HSD17B14: variants seen among roughly 807,000 people sequenced by gnomAD.
HSD17B14 encodes hydroxysteroid 17-beta dehydrogenase 14, also known as L-fucose dehydrogenase.
HSD17B14 carries 32 observed loss-of-function variants against 32.2 expected under a neutral mutation model. That is an observed-to-expected ratio of 0.99 (90% CI 0.75 to 1.33). The LOEUF (loss-of-function observed/expected upper bound fraction) is 1.33. HSD17B14 is among the 40% of genes most tolerant of loss of function. The probability of loss-of-function intolerance (pLI) is 0.00; values close to 1 mark genes in which losing one functional copy is unlikely to be tolerated. For synonymous variants in HSD17B14, 140 were observed against 155.4 expected (o/e 0.90, Z 0.74); for missense variants, 370 against 366.5 (o/e 1.01, Z -0.08).
At chr19:48,815,219 T>C in intron 5 of HSD17B14, 78 bp from the exon 6 acceptor site, 1 of 1,098,422 alleles carries the variant, frequency 9.1e-7, no homozygotes, top group Admixed American at 1.8e-5. Context: ...ACAGCCATCC[T>C]GATGTCTGGG....
At chr19:48,824,454 G>T (rs1343869703) in intron 5 of HSD17B14, among the ~76,000 whole-genome samples, 1 of 150,732 alleles carries the variant, frequency 6.6e-6, no homozygotes, top group Non-Finnish European at 1.5e-5. Context: ...AAAAGGGAGG[G>T]AGGGAGGAAG....
Position 48,813,735 on chromosome 19 carries a change from A to G in HSD17B14, c.475-5T>C, listed in dbSNP as rs1157740579. The stretch of plus-strand genomic sequence containing the variant: ...GGTCATGGCTGTTACTGCCCCCTGC[A>G]GGAAATGGAGCGGGGAAGAAAGTTC... On this transcript the variant is annotated splice_region_variant and splice_polypyrimidine_tract_variant and intron_variant, in intron 6 of 8. Coordinates refer to ENST00000263278, the MANE Select transcript of HSD17B14 (RefSeq NM_016246.3). 6.2e-7 allele frequency: 1 copy of G among 1,614,078 alleles called. No individual in the cohort carries two copies. The highest frequency in any genetic ancestry group is 8.5e-7 in the Non-Finnish European group (1 of 1,180,028).
At chr19:48,831,327 T>C (rs1010776112) in intron 5 of HSD17B14, among the ~76,000 whole-genome samples, 2 of 152,220 alleles carry the variant, frequency 1.3e-5, no homozygotes, top group Non-Finnish European at 2.9e-5. Flanking sequence ...GACTCAAGTC[T>C]GTAATCCCAG....
intron 5 of HSD17B14, among the ~76,000 whole-genome samples, chr19:48,827,606 C>T (rs1203344574): frequency 6.6e-6 from 1 of 151,790 alleles, no homozygotes; most frequent in African/African-American, 2.4e-5. Flanking sequence ...GGTGCAATCT[C>T]AGCTCACTGC....
chr19:48,824,965 G>A (rs1203000246), intron 5 of HSD17B14, among the ~76,000 whole-genome samples: 4 of 151,872 alleles, frequency 2.6e-5, no homozygotes, highest in African/African-American at 9.7e-5. Context: ...GATCTGGGCT[G>A]GGTGCGGTGG....
rs1256874002 is a variant in HSD17B14, at chr19:48,834,271, C to CT, written c.210+4dup. The CT allele has an allele frequency of 1.2e-6, 2 of 1,612,760 alleles. No individual in the cohort carries two copies. The highest frequency in any genetic ancestry group is 8.5e-7 in the Non-Finnish European group (1 of 1,178,966). On this transcript the variant is annotated splice_donor_region_variant and intron_variant, in intron 3 of 8. Coordinates refer to ENST00000263278, the MANE Select transcript of HSD17B14 (RefSeq NM_016246.3). ...GATGGGGGTAGGAACAGGAACTCGGCTTACCTTCACATCATCTTCCTGAGT... is the reference window on the plus strand; with the variant it reads ...GATGGGGGTAGGAACAGGAACTCGGCTTTACCTTCACATCATCTTCCTGAGT...
At chr19:48,820,678 T>C (rs61476702) in intron 5 of HSD17B14, among the ~76,000 whole-genome samples, 60,902 of 149,656 alleles carry the variant, frequency 0.41, 12,609 homozygotes, top group Non-Finnish European at 0.43. Context: ...ATTACCACCA[T>C]GCCCGGCTAA....
chr19:48,825,969 C>T (rs570338556), intron 5 of HSD17B14, among the ~76,000 whole-genome samples: 18 of 152,108 alleles, frequency 1.2e-4, no homozygotes, highest in African/African-American at 1.7e-4. Flanking sequence ...TACAGGCACC[C>T]GCCACCGCGC....
intron 5 of HSD17B14, among the ~76,000 whole-genome samples, chr19:48,819,036 T>A (rs1208991007): frequency 1.3e-5 from 2 of 152,200 alleles, no homozygotes; most frequent in African/African-American, 4.8e-5. Flanking sequence ...TCACCCAGGC[T>A]TGAGTGCAGT....
At chr19:48,827,266 C>A (rs899564638) in intron 5 of HSD17B14, among the ~76,000 whole-genome samples, 4 of 151,948 alleles carry the variant, frequency 2.6e-5, no homozygotes, top group African/African-American at 9.7e-5. Flanking sequence ...TGGTCTCGAA[C>A]TCCTGACCTC....
At chr19:48,824,545 C>A (rs533506625) in intron 5 of HSD17B14, among the ~76,000 whole-genome samples, 1 of 151,530 alleles carries the variant, frequency 6.6e-6, no homozygotes, top group Non-Finnish European at 1.5e-5. Flanking sequence ...CTGAAGCAGG[C>A]GGATCACGAG....
chr19:48,835,772 G>A (rs1477329912), intron 2 of HSD17B14, 33 bp downstream of exon 2: 3 of 1,612,422 alleles, frequency 1.9e-6, no homozygotes, highest in East Asian at 2.2e-5. Flanking sequence ...AGGGAGGAAG[G>A]GCCAAGGTGA....
At chr19:48,824,758 C>G (rs1288277107) in intron 5 of HSD17B14, among the ~76,000 whole-genome samples, 1 of 123,118 alleles carries the variant, frequency 8.1e-6, no homozygotes, top group Non-Finnish European at 1.7e-5. Context: ...GAGCAAGACT[C>G]TAAAGAAAGA....
chr19:48,818,990 T>A (rs969757383), intron 5 of HSD17B14, among the ~76,000 whole-genome samples: 1 of 152,150 alleles, frequency 6.6e-6, no homozygotes, highest in East Asian at 1.9e-4. Context: ...AACTCCTTTT[T>A]TTGTTTGTTT....
intron 5 of HSD17B14, among the ~76,000 whole-genome samples, chr19:48,830,955 C>T (rs1232432711): frequency 6.6e-6 from 1 of 152,054 alleles, no homozygotes; most frequent in Non-Finnish European, 1.5e-5. Flanking sequence ...CCTCCCACCT[C>T]AGCCACCTGA....
chr19:48,825,237 CA>C (rs60266504), intron 5 of HSD17B14, among the ~76,000 whole-genome samples: 22,886 of 88,674 alleles, frequency 0.26, 1,807 homozygotes, highest in Admixed American at 0.31. Context: ...GACTCCGTCG[CA>C]AAAAAAAAAA....
In HSD17B14 at chr19:48,815,065, G is replaced by T; in HGVS notation, c.446C>A (p.Ala149Asp). The T allele has an allele frequency of 6.2e-7, 1 of 1,613,858 alleles. No individual in the cohort carries two copies. The highest frequency in any genetic ancestry group is 8.5e-7 in the Non-Finnish European group (1 of 1,179,888). Residue 149 changes from alanine (A) to aspartate (D), a missense_variant, in exon 6 of 9, where the codon GCC (alanine) becomes GAC (aspartate). Ala to Asp is a moderately radical substitution (Grantham distance 126). Coordinates refer to ENST00000263278, the MANE Select transcript of HSD17B14 (RefSeq NM_016246.3). Reference protein sequence around the residue: ...ISSLVGAIGQAQAVPYVATKG... With the variant: ...ISSLVGAIGQDQAVPYVATKG... The stretch of plus-strand genomic sequence containing the variant: ...GGTGGCCACATAGGGAACTGCCTGG[G>T]CCTGGCCGATTGCCCCCACCAGGCT...
Position 48,821,474 on chromosome 19 carries a change from T to C in HSD17B14, c.370-6333A>G, listed in dbSNP as rs138795563. Among the ~76,000 whole-genome samples, 419 of 152,162 alleles carry C rather than the reference T, an allele frequency of 2.8e-3. 4 individuals are homozygous for C. The highest frequency in any genetic ancestry group is 9.5e-3 in the African/African-American group (394 of 41,502). On this transcript the variant is annotated intron_variant, in intron 5 of 8. Coordinates refer to ENST00000263278, the MANE Select transcript of HSD17B14 (RefSeq NM_016246.3). ...CCCTTGTTTTCCCTAGCCTAGGGAG[T>C]CACAAACTTTGGCTTGTATCAGAAT...
In HSD17B14 at chr19:48,813,457, T is replaced by G. The variant is rs752463200; in HGVS notation, c.638A>C (p.Gln213Pro). The change falls in exon 8 of 9, where the codon CAG (glutamine) becomes CCG (proline). Residue 213 changes from glutamine (Q) to proline (P), a missense_variant and splice_region_variant. Transcript: ENST00000263278. Reference sequence around the variant, plus strand: ...CCTGGATCTGAACCCCACTTCTACCTGGGCCAGCATGCCCTCTCGGATTGT... The same window carrying G: ...CCTGGATCTGAACCCCACTTCTACCGGGGCCAGCATGCCCTCTCGGATTGT... ...RATIREGMLA[Q>P]PLGRMGQPAE... 9.3e-6 allele frequency: 15 copies of G among 1,609,420 alleles called. No individual in the cohort carries two copies. The South Asian group carries it at 1.7e-4, about 18-fold the overall frequency.
Sources: gnomAD v4.1 joint callset for allele counts (sites outside exome capture counted in the v4.1 genomes callset) on GRCh38, gnomAD v4.1.1 for gene constraint, MANE v1.5 for transcripts, NCBI Gene and HGNC (gene_info 2026-07-23, HGNC 2026-07-21) for gene names.